Variants in CTNNA2 observed in about 807,000 individuals in gnomAD.
The protein encoded by CTNNA2 is catenin alpha 2.
Under a neutral mutation model 101.0 loss-of-function variants are expected in CTNNA2, and 42 were observed. The observed-to-expected ratio is 0.42, with a 90% confidence interval of 0.32 to 0.54. CTNNA2 has a LOEUF of 0.54. CTNNA2 is among the 20% of genes least tolerant of loss of function. CTNNA2 has a pLI of 0.14. For missense variants in CTNNA2, 871 were observed against 1,223.1 expected, an observed-to-expected ratio of 0.71 and a Z score of 4.29; for synonymous variants, 450 against 456.4, an observed-to-expected ratio of 0.99 and a Z score of 0.18.
chr2:79,473,670 G>A lies in CTNNA2; in HGVS notation c.-134-31384G>A, dbSNP rs890833107. Among the ~76,000 whole-genome samples, 4 of 151,920 alleles carry A rather than the reference G, an allele frequency of 2.6e-5. No individual in the cohort carries two copies. In the East Asian group the frequency reaches 7.7e-4, roughly 29 times the overall value. ...TCTAGCAAATATATCTTTCAAAAAT[G>A]GAGAAAAAGAAAAAGTCTTTTTCAG... On this transcript the variant is annotated intron_variant, in intron 4 of 21. Transcript: ENST00000466387.
At chr2:79,724,586 C>T (rs13026776) in intron 2 of CTNNA2, among the ~76,000 whole-genome samples, 3 of 151,742 alleles carry the variant, frequency 2.0e-5, no homozygotes, top group East Asian at 3.9e-4. Flanking sequence ...GAGGCTGAGG[C>T]GGTCGCATCA....
intron 3 of CTNNA2, among the ~76,000 whole-genome samples, chr2:79,314,537 G>A (rs1479122566): frequency 6.6e-6 from 1 of 152,212 alleles, no homozygotes; most frequent in Admixed American, 6.5e-5. Flanking sequence ...TAGTAATAAG[G>A]CTCAGAGAAT....
At chr2:79,973,759 T>A (rs967689983) in intron 7 of CTNNA2, among the ~76,000 whole-genome samples, 2 of 152,252 alleles carry the variant, frequency 1.3e-5, no homozygotes, top group Admixed American at 6.5e-5. Context: ...TACATAATTG[T>A]TTTGAGGTAA....
At chr2:80,520,223 A>G (rs1165795189) in intron 9 of CTNNA2, among the ~76,000 whole-genome samples, 1 of 152,054 alleles carries the variant, frequency 6.6e-6, no homozygotes, top group Non-Finnish European at 1.5e-5. Flanking sequence ...ACTCACCCAC[A>G]CTAGAGACAT....
chr2:79,421,805 A>T (rs955871729), intron 4 of CTNNA2, among the ~76,000 whole-genome samples: 4 of 152,144 alleles, frequency 2.6e-5, no homozygotes, highest in Admixed American at 1.3e-4. Context: ...TTAGGAGAAC[A>T]CTAAATCGAG....
chr2:79,366,642 A>T (rs2104451460), intron 3 of CTNNA2, among the ~76,000 whole-genome samples: 1 of 152,332 alleles, frequency 6.6e-6, no homozygotes, highest in South Asian at 2.1e-4. Flanking sequence ...ATGGAGACAA[A>T]ATTCTAATAT....
In CTNNA2 at chr2:80,555,873, C is replaced by A; in HGVS notation, c.1721C>A (p.Thr574Lys). 2 of 1,552,474 alleles carry A rather than the reference C, an allele frequency of 1.3e-6. No homozygotes were observed. The highest frequency in any genetic ancestry group is 1.7e-6 in the Non-Finnish European group (2 of 1,147,870). ...TATACTGAGAAGGTGTTGGAAGCTA[C>A]AAAATTGCTTTCTGAAACAGGTAAG... The part of the protein sequence containing the change: ...GVYTEKVLEA[T>K]KLLSETVMPR... The change falls in exon 12 of 19, where the codon ACA becomes AAA. Residue 574 changes from threonine (T) to lysine (K), a missense_variant. Physicochemically the swap from Thr to Lys is moderately conservative, Grantham distance 78 (BLOSUM62 -1). Around this residue, in one of 5 missense-constraint regions of CTNNA2, gnomAD observed 647 missense variants for 831.5 expected, o/e 0.78. Transcript: ENST00000402739.
intron 2 of CTNNA2, among the ~76,000 whole-genome samples, chr2:79,264,878 C>T (rs991579986): frequency 6.6e-6 from 1 of 152,038 alleles, no homozygotes; most frequent in African/African-American, 2.4e-5. Context: ...GAGAGGAAGT[C>T]CTAATAGCTT....
At chr2:80,629,152 T>C (rs1318417501) in intron 18 of CTNNA2, among the ~76,000 whole-genome samples, 1 of 152,036 alleles carries the variant, frequency 6.6e-6, no homozygotes, top group African/African-American at 2.4e-5. Context: ...CAAAAGACTA[T>C]ATAGTCTTTT....
chr2:79,671,838 A>G (rs540298528), intron 2 of CTNNA2, among the ~76,000 whole-genome samples: 1 of 152,234 alleles, frequency 6.6e-6, no homozygotes, highest in Non-Finnish European at 1.5e-5. Flanking sequence ...TTCACATTGC[A>G]TGTGGATTAC....
intron 3 of CTNNA2, among the ~76,000 whole-genome samples, chr2:79,808,186 T>C (rs1301952951): frequency 6.6e-6 from 1 of 152,184 alleles, no homozygotes; most frequent in East Asian, 1.9e-4. Context: ...CCCTGTATGA[T>C]TGAGACCTTA....
At chr2:79,454,779 A>G (rs1221011989) in intron 4 of CTNNA2, among the ~76,000 whole-genome samples, 3 of 152,200 alleles carry the variant, frequency 2.0e-5, no homozygotes, top group Non-Finnish European at 4.4e-5. Context: ...AATAAGTAGA[A>G]ACAAAATTGT....
intron 2 of CTNNA2, among the ~76,000 whole-genome samples, chr2:79,236,722 A>G (rs1055351062): frequency 1.4e-4 from 21 of 152,196 alleles, no homozygotes; most frequent in African/African-American, 5.1e-4. Context: ...AGCATCTTCA[A>G]TTGATGCTGT....
At chr2:79,269,053 G>C (rs944365714) in intron 2 of CTNNA2, among the ~76,000 whole-genome samples, 1 of 152,042 alleles carries the variant, frequency 6.6e-6, no homozygotes, top group Non-Finnish European at 1.5e-5. Context: ...CGTTACCAAG[G>C]CTCTATCTAT....
At chr2:80,579,990 G>C (rs1695387885) in intron 13 of CTNNA2, among the ~76,000 whole-genome samples, 1 of 152,230 alleles carries the variant, frequency 6.6e-6, no homozygotes, top group Non-Finnish European at 1.5e-5. Context: ...GTCTGTGGAA[G>C]ACCATCACCT....
chr2:79,973,635 G>C (rs922215905), intron 7 of CTNNA2, among the ~76,000 whole-genome samples: 19 of 152,140 alleles, frequency 1.2e-4, no homozygotes, highest in Admixed American at 5.9e-4. Flanking sequence ...ACCAAAATCT[G>C]ATATTTATTC....
intron 9 of CTNNA2, among the ~76,000 whole-genome samples, chr2:80,519,234 A>ACAGATTAG (rs1243319619): frequency 3.3e-5 from 5 of 152,168 alleles, no homozygotes; most frequent in African/African-American, 1.2e-4. Flanking sequence ...CTGTAGGAAA[A>ACAGATTAG]CAGATTAGCA....
At chr2:80,634,430 C>CATG (rs1371171052) in intron 18 of CTNNA2, among the ~76,000 whole-genome samples, 1 of 151,972 alleles carries the variant, frequency 6.6e-6, no homozygotes, top group Non-Finnish European at 1.5e-5. Flanking sequence ...ACATTGCAAA[C>CATG]ATGACTGGTC....
Position 80,511,291 on chromosome 2 carries a change from A to G in CTNNA2, c.1291-33691A>G, listed in dbSNP as rs114705350. Among the ~76,000 whole-genome samples the G allele has an allele frequency of 4.6e-3, 708 of 152,338 alleles. 7 individuals carry two copies. Among genetic ancestry groups the G allele is most frequent in the Middle Eastern group, 0.017 (5 of 294 alleles). On this transcript the variant is annotated intron_variant, in intron 9 of 18. Transcript: ENST00000402739. ...GATATTAGAGATATTTTTCCAGGAT[A>G]ATTTTTACCTTGTCTATCAACATCA...
Sources: gnomAD v4.1 joint callset for allele counts (sites outside exome capture counted in the v4.1 genomes callset) on GRCh38, gnomAD v4.1.1 for gene constraint, gnomAD v4.1.1 regional missense constraint, MANE v1.5 for transcripts, NCBI Gene and HGNC (gene_info 2026-07-23, HGNC 2026-07-21) for gene names.